The following GLIS3 variants were observed in gnomAD, a reference collection of about 807,000 sequenced individuals.
GLIS3 encodes the protein zinc finger protein GLIS3.
GLIS3 carries 53 observed loss-of-function variants against 78.6 expected under a neutral mutation model. The ratio of observed to expected loss-of-function variants is 0.67; its 90% confidence interval spans 0.54 to 0.85. GLIS3 has a LOEUF of 0.85. Among genes scored for constraint, GLIS3 ranks in the 40% least tolerant of loss-of-function variants. The pLI, the probability that GLIS3 is intolerant of heterozygous loss-of-function variation, is 0.00. For missense variants in GLIS3, 1,703 were observed against 1,231.1 expected, an observed-to-expected ratio of 1.38 and a Z score of -5.74; for synonymous variants, 684 against 509.9, an observed-to-expected ratio of 1.34 and a Z score of -4.60.
At chr9:4,288,696 T>A (rs1328573297) in intron 1 of GLIS3, among the ~76,000 whole-genome samples, 1 of 151,812 alleles carries the variant, frequency 6.6e-6, no homozygotes, top group South Asian at 2.1e-4. Context: ...ATTTTATTTT[T>A]TTTATAAACT....
chr9:4,030,302 T>G (rs886355087), intron 4 of GLIS3, among the ~76,000 whole-genome samples: 5 of 152,212 alleles, frequency 3.3e-5, no homozygotes, highest in Non-Finnish European at 7.3e-5. Flanking sequence ...ATTATTAGAT[T>G]TTTTTCCTAG....
chr9:4,445,364 C>T, the GLIS3 span, among the ~76,000 whole-genome samples: 8 of 152,282 alleles, frequency 5.3e-5, no homozygotes, highest in South Asian at 4.1e-4. Context: ...TGGTGGTTCA[C>T]GCCTATAATC....
At chr9:3,950,983 G>A (rs1250741176) in intron 4 of GLIS3, among the ~76,000 whole-genome samples, 1 of 152,290 alleles carries the variant, frequency 6.6e-6, no homozygotes, top group Admixed American at 6.5e-5. Flanking sequence ...AATAAAAGAT[G>A]AGACAAACTT....
In GLIS3 at chr9:4,059,827, T is replaced by TGA. The variant is rs1252079860; in HGVS notation, c.1710+57940_1710+57941insTC. ...ATTTGTGTGTGTGTGTGTGTGTGTG[T>TGA]GTGAGAGAGAGAGAGAGAGAGAGAG... On this transcript the variant is annotated intron_variant, in intron 4 of 10. Coordinates refer to ENST00000381971, the MANE Select transcript of GLIS3 (RefSeq NM_001042413.2). Among the ~76,000 whole-genome samples the TGA allele has an allele frequency of 6.1e-3, 648 of 106,674 alleles. 4 individuals carry two copies. The highest frequency in any genetic ancestry group is 0.02 in the African/African-American group (602 of 29,422). The allele number at this position is 106,674 out of a possible 152,430, so 70.0% of individuals were successfully genotyped here.
At chr9:3,975,346 G>A (rs1818691028) in intron 4 of GLIS3, 1 of 152,088 alleles carries the variant, frequency 6.6e-6, no homozygotes, top group Admixed American at 6.6e-5. Context: ...ATTGGAAGAG[G>A]GCATGGTGTT....
chr9:4,118,116 C>T lies in GLIS3; in HGVS notation c.1362G>A (p.Pro454=), dbSNP rs748660259. ...PPAPPLPPLP[P]PPGPPPPYHA... The stretch of plus-strand genomic sequence containing the variant: ...GGTAAGGGGGTGGGGGGCCTGGGGG[C>T]GGCGGCAGAGGAGGGAGCGGAGGCG... The change falls in exon 4 of 11, where the codon CCG becomes CCA. Residue 454 remains proline, a synonymous_variant. Transcript: ENST00000381971. This position sits in a 1 kb window ranked among gnomAD's most constrained non-coding sequence, Gnocchi z 4.7. 2.9e-6 allele frequency: 4 copies of T among 1,394,586 alleles called. No homozygotes were observed. In the East Asian group the frequency reaches 7.0e-5, roughly 24 times the overall value. 86.4% of individuals were successfully genotyped at this position (1,394,586 alleles called of 1,614,324 possible).
chr9:3,835,915 GAGAA>G (rs1283753304), intron 9 of GLIS3, among the ~76,000 whole-genome samples: 8 of 152,288 alleles, frequency 5.3e-5, no homozygotes, highest in East Asian at 1.9e-4. Flanking sequence ...GCATTTTAGT[GAGAA>G]AGAAAGACAA....
intron 4 of GLIS3, among the ~76,000 whole-genome samples, chr9:3,982,047 A>G (rs1224294005): frequency 6.6e-6 from 1 of 152,144 alleles, no homozygotes; most frequent in African/African-American, 2.4e-5. Flanking sequence ...GTCTAATTCC[A>G]TTATACCTTT....
intron 2 of GLIS3, among the ~76,000 whole-genome samples, chr9:4,282,108 G>C (rs1344073654): frequency 2.0e-5 from 3 of 152,144 alleles, no homozygotes; most frequent in Non-Finnish European, 4.4e-5. Context: ...TGTCTGTGTA[G>C]CAATTCTTAG....
chr9:4,328,118 A>G (rs1817629772), intron 2 of GLIS3, among the ~76,000 whole-genome samples: 1 of 152,170 alleles, frequency 6.6e-6, no homozygotes, highest in Non-Finnish European at 1.5e-5. Context: ...CTGATGGAAA[A>G]GCCCTGGATG....
intron 4 of GLIS3, chr9:4,034,811 C>T (rs567369150): frequency 2.0e-5 from 3 of 152,140 alleles, no homozygotes; most frequent in Non-Finnish European, 4.4e-5. Context: ...TGGAATCTTG[C>T]CTTCAGAACC....
At chr9:4,424,613 G>C in the GLIS3 span, among the ~76,000 whole-genome samples, 1 of 152,278 alleles carries the variant, frequency 6.6e-6, no homozygotes, top group African/African-American at 2.4e-5. Context: ...ATCCAGGCTG[G>C]AGTGCAGAGG....
intron 2 of GLIS3, among the ~76,000 whole-genome samples, chr9:4,162,359 T>C (rs1386721289): frequency 6.6e-6 from 1 of 152,072 alleles, no homozygotes; most frequent in Non-Finnish European, 1.5e-5. Flanking sequence ...GGGCATTAAT[T>C]TGGGGGGATA....
chr9:4,230,663 C>G (rs1822177061), intron 2 of GLIS3, among the ~76,000 whole-genome samples: 1 of 152,090 alleles, frequency 6.6e-6, no homozygotes, highest in Non-Finnish European at 1.5e-5. Context: ...ATTATAATAC[C>G]TAATTATGGA....
At chr9:4,126,087 T>C in intron 2 of GLIS3, 146 bp from the exon 3 acceptor site, 2 of 668,804 alleles carry the variant, frequency 3.0e-6, no homozygotes, top group Non-Finnish European at 5.3e-6. Context: ...AGCAAAAGGC[T>C]TTCTCCAATT....
upstream of GLIS3, among the ~76,000 whole-genome samples, chr9:4,301,484 C>T (rs958046450): frequency 3.3e-5 from 5 of 152,158 alleles, no homozygotes; most frequent in Admixed American, 6.5e-5. Flanking sequence ...TTGCAACATG[C>T]CTGACATTCA....
chr9:3,988,308 A>G (rs1280088477), intron 4 of GLIS3, among the ~76,000 whole-genome samples: 1 of 152,238 alleles, frequency 6.6e-6, no homozygotes, highest in Non-Finnish European at 1.5e-5. Context: ...AGGAAATGAT[A>G]AAAGAAGGAA....
the GLIS3 span, among the ~76,000 whole-genome samples, chr9:4,412,365 T>A: frequency 1.5e-4 from 23 of 152,328 alleles, no homozygotes; most frequent in African/African-American, 5.5e-4. Flanking sequence ...GTTTAGATCT[T>A]GAAGCAGACA....
chr9:4,459,684 G>C, the GLIS3 span, among the ~76,000 whole-genome samples: 1 of 152,146 alleles, frequency 6.6e-6, no homozygotes, highest in Non-Finnish European at 1.5e-5. Context: ...AGGGCTGCTT[G>C]AGCCCAGGAG....
Sources: gnomAD v4.1 joint callset for allele counts (sites outside exome capture counted in the v4.1 genomes callset) on GRCh38, gnomAD v4.1.1 for gene constraint, Gnocchi (gnomAD v3.1) non-coding constraint, MANE v1.5 for transcripts, NCBI Gene and HGNC (gene_info 2026-07-23, HGNC 2026-07-21) for gene names.